SAXO1: variants seen among roughly 807,000 people sequenced by gnomAD.
SAXO1 encodes the protein 4930500O09Rik.
Under a neutral mutation model 17.5 loss-of-function variants are expected in SAXO1, and 21 were observed. That is an observed-to-expected ratio of 1.20 (90% CI 0.85 to 1.72). The LOEUF (loss-of-function observed/expected upper bound fraction) is 1.72. SAXO1 is among the 40% of genes most tolerant of loss of function. The probability of loss-of-function intolerance (pLI) is 0.00; values close to 1 mark genes in which losing one functional copy is unlikely to be tolerated. For synonymous variants in SAXO1, 274 were observed against 216.5 expected (o/e 1.27, Z -2.33); for missense variants, 843 against 596.0 (o/e 1.41, Z -4.32).
chr9:19,047,319 G>C (rs1207236184), intron 1 of SAXO1, among the ~76,000 whole-genome samples: 1 of 152,090 alleles, frequency 6.6e-6, no homozygotes, highest in Non-Finnish European at 1.5e-5. Flanking sequence ...AGCCAAGATC[G>C]TGCAACTACA....
At chr9:18,929,584 A>G (rs549922358) in intron 3 of SAXO1, among the ~76,000 whole-genome samples, 2 of 152,294 alleles carry the variant, frequency 1.3e-5, no homozygotes, top group South Asian at 4.1e-4. Context: ...TAAATCAAAT[A>G]TGCTGCTCCA....
chr9:19,015,504 C>G (rs569102862), intron 1 of SAXO1, among the ~76,000 whole-genome samples: 90 of 152,154 alleles, frequency 5.9e-4, no homozygotes, highest in African/African-American at 2.1e-3. Context: ...CCACCACGCC[C>G]GGCTAATTTT....
chr9:18,995,046 A>G (rs1833949266), intron 1 of SAXO1, among the ~76,000 whole-genome samples: 1 of 152,204 alleles, frequency 6.6e-6, no homozygotes, highest in African/African-American at 2.4e-5. Context: ...GAAATGCACA[A>G]AATAACTATA....
At chr9:18,981,118 AAGACCTCT>A (rs1260973281) in intron 1 of SAXO1, among the ~76,000 whole-genome samples, 1 of 152,208 alleles carries the variant, frequency 6.6e-6, no homozygotes, top group Admixed American at 6.5e-5. Flanking sequence ...AATAAACCTG[AAGACCTCT>A]GCAAGAAATC....
chr9:18,931,466 T>C (rs568130580), intron 3 of SAXO1, among the ~76,000 whole-genome samples: 62 of 152,366 alleles, frequency 4.1e-4, no homozygotes, highest in Non-Finnish European at 8.2e-4. Flanking sequence ...AATTCTGCTA[T>C]GAGCCTTTGT....
intron 1 of SAXO1, among the ~76,000 whole-genome samples, chr9:18,958,799 A>C (rs1663454326): frequency 6.6e-6 from 1 of 152,142 alleles, no homozygotes; most frequent in Admixed American, 6.6e-5. Context: ...GACTTGCAGA[A>C]TCATACGTTT....
chr9:18,957,980 T>G (rs1832323226), intron 1 of SAXO1, among the ~76,000 whole-genome samples: 1 of 152,198 alleles, frequency 6.6e-6, no homozygotes, highest in Non-Finnish European at 1.5e-5. Context: ...GACATAGATA[T>G]ACTTTACAGC....
At chr9:18,977,993 CA>C (rs371914686) in intron 1 of SAXO1, among the ~76,000 whole-genome samples, 10 of 98,650 alleles carry the variant, frequency 1.0e-4, no homozygotes, top group South Asian at 3.6e-4. Context: ...GAGACCCTGC[CA>C]AAAAAAAAAA....
chr9:19,012,310 C>T (rs66688010), intron 1 of SAXO1, among the ~76,000 whole-genome samples: 73,934 of 152,132 alleles, frequency 0.49, 18,732 homozygotes, highest in Non-Finnish European at 0.57. Flanking sequence ...GCTAGTTTTA[C>T]TTTCTGAAAC....
At chr9:19,028,228 T>G (rs2131041511) in intron 1 of SAXO1, 5 of 872,414 alleles carry the variant, frequency 5.7e-6, no homozygotes, top group South Asian at 1.7e-5. Context: ...ATACAAAAAT[T>G]AGCCGGCCGT....
chr9:19,025,678 T>C (rs1835442138), intron 1 of SAXO1, among the ~76,000 whole-genome samples: 1 of 152,212 alleles, frequency 6.6e-6, no homozygotes, highest in Non-Finnish European at 1.5e-5. Context: ...TAACCAGTCC[T>C]GGAATTTCCT....
chr9:18,965,119 C>A (rs9776700), intron 1 of SAXO1, among the ~76,000 whole-genome samples: 1 of 152,222 alleles, frequency 6.6e-6, no homozygotes, highest in Non-Finnish European at 1.5e-5. Context: ...TGGCCTGAGA[C>A]ACTGTTTGTT....
At chr9:18,953,079 T>C (rs1832104660) in intron 1 of SAXO1, among the ~76,000 whole-genome samples, 1 of 152,208 alleles carries the variant, frequency 6.6e-6, no homozygotes, top group African/African-American at 2.4e-5. Context: ...TAGTACCCTA[T>C]CATTTTAGGA....
intron 1 of SAXO1, among the ~76,000 whole-genome samples, chr9:19,043,786 G>A (rs930336573): frequency 2.0e-5 from 3 of 151,622 alleles, no homozygotes; most frequent in African/African-American, 7.3e-5. Flanking sequence ...AAAAGACCTA[G>A]TATTTGATAG....
chr9:18,998,103 G>A (rs969294139), intron 1 of SAXO1, among the ~76,000 whole-genome samples: 11 of 152,162 alleles, frequency 7.2e-5, no homozygotes, highest in African/African-American at 1.4e-4. Flanking sequence ...AAAACTGGAT[G>A]GAGAATGACT....
At chr9:18,968,458 C>T (rs990792445) in intron 1 of SAXO1, among the ~76,000 whole-genome samples, 9 of 152,186 alleles carry the variant, frequency 5.9e-5, no homozygotes, top group Non-Finnish European at 1.3e-4. Context: ...TTTAAATTCT[C>T]TTAAGTTTGT....
At chr9:18,931,142 A>C (rs1224663418) in intron 3 of SAXO1, among the ~76,000 whole-genome samples, 1 of 152,208 alleles carries the variant, frequency 6.6e-6, no homozygotes, top group Non-Finnish European at 1.5e-5. Context: ...CATCATGCCA[A>C]AAATACCAAT....
intron 1 of SAXO1, chr9:19,027,515 C>T (rs1588558246): frequency 2.1e-5 from 19 of 903,290 alleles, no homozygotes; most frequent in South Asian, 2.0e-4. Context: ...GGGGTGCTGG[C>T]CCCCAGGGAC....
chr9:18,958,316 C>T (rs946188916), intron 1 of SAXO1, among the ~76,000 whole-genome samples: 4 of 151,882 alleles, frequency 2.6e-5, no homozygotes, highest in Non-Finnish European at 4.4e-5. Flanking sequence ...TCCAGCTACT[C>T]GGGAGGCTGA....
Sources: allele counts gnomAD v4.1 joint callset (sites outside exome capture counted in the v4.1 genomes callset), GRCh38; gene constraint gnomAD v4.1.1; transcripts MANE v1.5; gene names NCBI Gene and HGNC (gene_info 2026-07-23, HGNC 2026-07-21).